The following RNF150 variants were observed in gnomAD, a reference collection of about 807,000 sequenced individuals.
RNF150 encodes ring finger protein 150.
Under a neutral mutation model 39.3 loss-of-function variants are expected in RNF150, and 24 were observed. The observed-to-expected ratio is 0.61, with a 90% CI of 0.44 to 0.86. The LOEUF (loss-of-function observed/expected upper bound fraction) is 0.86, where lower values mean the gene tolerates loss of function less well. Ranked by LOEUF, RNF150 falls within the 40% of genes least tolerant of loss-of-function variation. RNF150 has a pLI of 0.00. For synonymous variants in RNF150, 255 were observed against 227.3 expected (o/e 1.12, Z -1.10); for missense variants, 502 against 587.8 (o/e 0.85, Z 1.51).
At chr4:141,062,498 TG>T (rs994395770) in intron 1 of RNF150, among the ~76,000 whole-genome samples, 5 of 152,078 alleles carry the variant, frequency 3.3e-5, no homozygotes, top group African/African-American at 1.2e-4. Context: ...GCAGCACCTT[TG>T]TTTTTTTTTC....
intron 2 of RNF150, among the ~76,000 whole-genome samples, chr4:140,956,818 T>G (rs1456914940): frequency 6.6e-6 from 1 of 152,112 alleles, no homozygotes; most frequent in East Asian, 1.9e-4. Flanking sequence ...GATTCCCTAT[T>G]TAATAAATGG....
intron 1 of RNF150, among the ~76,000 whole-genome samples, chr4:141,030,067 G>T (rs897236106): frequency 6.6e-6 from 1 of 151,970 alleles, no homozygotes; most frequent in Non-Finnish European, 1.5e-5. Context: ...GTGGTGGCAG[G>T]TGCCTTAGTC....
rs542158937 is a variant in RNF150, at chr4:141,097,500, C to CT, written c.484+34824dup. ...CCTTGTGTCATAGTTTAATTGGTGA[C>CT]TTTTTTTTTCTTAATAATACATCAA... On this transcript the variant is annotated intron_variant, in intron 1 of 6. Transcript: ENST00000515673. 1.7e-3 allele frequency among the ~76,000 whole-genome samples: 262 copies of CT among 151,172 alleles called. 3 individuals carry two copies. The highest frequency in any genetic ancestry group is 5.8e-3 in the African/African-American group (239 of 41,274).
At chr4:141,148,956 A>T (rs1274334829) in intron 1 of RNF150, among the ~76,000 whole-genome samples, 1 of 152,286 alleles carries the variant, frequency 6.6e-6, no homozygotes, top group East Asian at 1.9e-4. Flanking sequence ...CCATCCATAG[A>T]GCCTGTCTTT....
chr4:140,873,153 T>C (rs887462591), intron 6 of RNF150, among the ~76,000 whole-genome samples: 1 of 152,212 alleles, frequency 6.6e-6, no homozygotes, highest in Admixed American at 6.5e-5. Context: ...AGTCAGGACA[T>C]TTCACATACA....
intron 1 of RNF150, among the ~76,000 whole-genome samples, chr4:140,972,308 T>C (rs1196405578): frequency 6.6e-6 from 1 of 152,158 alleles, no homozygotes; most frequent in East Asian, 1.9e-4. Flanking sequence ...TCAACAAGTA[T>C]ATTTTTAATA....
intron 6 of RNF150, among the ~76,000 whole-genome samples, chr4:140,896,697 A>AC (rs1240553789): frequency 3.6e-5 from 3 of 82,434 alleles, no homozygotes; most frequent in African/African-American, 1.2e-4. Context: ...TAAAAAAAAA[A>AC]AAACAAAAAA....
intron 1 of RNF150, among the ~76,000 whole-genome samples, chr4:141,104,853 T>C (rs141459711): frequency 6.6e-6 from 1 of 152,198 alleles, no homozygotes; most frequent in African/African-American, 2.4e-5. Flanking sequence ...AAGACCTGAA[T>C]AGAGATTTTG....
chr4:140,924,122 T>A (rs1371110260), intron 5 of RNF150, among the ~76,000 whole-genome samples: 1 of 151,502 alleles, frequency 6.6e-6, no homozygotes, highest in Non-Finnish European at 1.5e-5. Context: ...AAAGTATAAT[T>A]AAAAAAAAAT....
chr4:140,996,123 T>A (rs1301664188), intron 1 of RNF150, among the ~76,000 whole-genome samples: 3 of 152,200 alleles, frequency 2.0e-5, no homozygotes, highest in Non-Finnish European at 4.4e-5. Context: ...TTTTTCCCCA[T>A]CCTCATCAGT....
intron 1 of RNF150, among the ~76,000 whole-genome samples, chr4:141,084,888 C>T (rs188553855): frequency 4.8e-4 from 73 of 152,206 alleles, no homozygotes; most frequent in Non-Finnish European, 9.7e-4. Flanking sequence ...GGTCTACAGC[C>T]CTCTCTTTCC....
intron 1 of RNF150, among the ~76,000 whole-genome samples, chr4:141,118,320 G>T (rs569725305): frequency 2.6e-5 from 4 of 152,314 alleles, no homozygotes; most frequent in Admixed American, 2.6e-4. Context: ...GGTTTTGAAT[G>T]TTCCTGGGGT....
At chr4:140,986,970 C>T (rs192071569) in intron 1 of RNF150, among the ~76,000 whole-genome samples, 2 of 152,152 alleles carry the variant, frequency 1.3e-5, no homozygotes, top group African/African-American at 4.8e-5. Context: ...CATTTCTATA[C>T]ACCAATACCG....
intron 6 of RNF150, among the ~76,000 whole-genome samples, chr4:140,883,229 C>A (rs1436926043): frequency 6.6e-6 from 1 of 152,116 alleles, no homozygotes; most frequent in Admixed American, 6.5e-5. Context: ...TATTTTACAT[C>A]CATTAAAGTA....
At chr4:140,911,082 T>A in intron 6 of RNF150, 62 bp downstream of exon 6, 1 of 1,355,104 alleles carries the variant, frequency 7.4e-7, no homozygotes, top group Non-Finnish European at 1.0e-6. Context: ...AGGTATTTTT[T>A]TCCAATTCCT....
chr4:141,010,727 G>A (rs1735046173), intron 1 of RNF150, among the ~76,000 whole-genome samples: 1 of 152,124 alleles, frequency 6.6e-6, no homozygotes. Flanking sequence ...GCCGCTAACA[G>A]CACCCTTTGA....
intron 1 of RNF150, among the ~76,000 whole-genome samples, chr4:140,988,425 G>A (rs1290459648): frequency 6.6e-6 from 1 of 152,044 alleles, no homozygotes; most frequent in Admixed American, 6.6e-5. Flanking sequence ...CCATTGAAAA[G>A]AACGAAATCA....
chr4:141,085,876 T>C (rs1738343954), intron 1 of RNF150, among the ~76,000 whole-genome samples: 2 of 152,062 alleles, frequency 1.3e-5, no homozygotes, highest in Admixed American at 6.6e-5. Flanking sequence ...AGAAGAAAAA[T>C]CATTTTTAAA....
chr4:140,946,653 A>G (rs1732324767), intron 4 of RNF150, among the ~76,000 whole-genome samples: 1 of 152,072 alleles, frequency 6.6e-6, no homozygotes. Flanking sequence ...TGTACTGAGC[A>G]CCACCATGTT....
Sources: allele counts gnomAD v4.1 joint callset (sites outside exome capture counted in the v4.1 genomes callset), GRCh38; gene constraint gnomAD v4.1.1; transcripts MANE v1.5; gene names NCBI Gene and HGNC (gene_info 2026-07-23, HGNC 2026-07-21).